Variants in STAG2 observed in about 807,000 individuals in gnomAD.
The protein encoded by STAG2 is STAG2 cohesin complex component.
STAG2 carries 14 observed loss-of-function variants against 108.1 expected under a neutral mutation model. The ratio of observed to expected loss-of-function variants is 0.13; its 90% CI spans 0.09 to 0.20. The LOEUF is 0.20. Among genes scored for constraint, STAG2 ranks in the 10% least tolerant of loss-of-function variants. The pLI, the probability that STAG2 is intolerant of heterozygous loss-of-function variation, is 1.00. For synonymous variants in STAG2, 307 were observed against 302.7 expected (o/e 1.01, Z -0.15); for missense variants, 440 against 940.9 (o/e 0.47, Z 6.96).
chrX:124,050,568 G>C (rs1301218790), intron 11 of STAG2, among the ~76,000 whole-genome samples: 1 of 111,181 alleles, frequency 9.0e-6, no homozygotes, highest in Non-Finnish European at 1.9e-5. Context: ...AAGGTAGTAG[G>C]AGTGAGGCAT....
chrX:124,063,018 T>TG, intron 18 of STAG2, 24 bp downstream of exon 18: 1 of 1,190,084 alleles, frequency 8.4e-7, no homozygotes, highest in Non-Finnish European at 1.1e-6. Context: ...AATATCATAG[T>TG]GTTACTAAGA....
In STAG2 at chrX:123,982,378, T is replaced by C. The variant is rs1169140653; in HGVS notation, c.-163+20522T>C. Among the ~76,000 whole-genome samples, 6 of 110,877 alleles carry C rather than the reference T, an allele frequency of 5.4e-5. No homozygotes were observed. In the East Asian group the frequency reaches 1.7e-3, roughly 31 times the overall value. On this transcript the variant is annotated intron_variant, in intron 1 of 34. Coordinates refer to ENST00000371145, the MANE Select transcript of STAG2 (RefSeq NM_001042750.2). Reference sequence around the variant, plus strand: ...CATCCAGAATTTACTTTTTTTGTTTTTTTGAGATGGAGTCTTGCTCTGTCA... The same window carrying C: ...CATCCAGAATTTACTTTTTTTGTTTCTTTGAGATGGAGTCTTGCTCTGTCA...
At chrX:124,030,746 G>A (rs779202911) in intron 4 of STAG2, among the ~76,000 whole-genome samples, 2 of 111,348 alleles carry the variant, frequency 1.8e-5, no homozygotes, top group East Asian at 5.6e-4. Context: ...AGGCTATGCT[G>A]CTAACTACTA....
At chrX:123,978,310 C>A (rs2054723291) in intron 1 of STAG2, among the ~76,000 whole-genome samples, 1 of 109,175 alleles carries the variant, frequency 9.2e-6, no homozygotes, top group Non-Finnish European at 1.9e-5. Flanking sequence ...TGATGCTCTT[C>A]CCCCACTCCC....
At chrX:124,045,415 G>A (rs1297426160) in intron 8 of STAG2, 47 bp downstream of exon 8, 1 of 1,031,101 alleles carries the variant, frequency 9.7e-7, no homozygotes, top group African/African-American at 1.9e-5. Context: ...GATTTGAGAT[G>A]AAAAAGATTC....
rs912058139 is a variant in STAG2 at position 124,010,702 on chromosome X, T to C, written c.-162-10665T>C. ...CAATTTGTTCAGTGTTGTTTTGTTA[T>C]AATGTTGATGAGGAAAAAAATTGGT... is the stretch of plus-strand genomic sequence containing the variant. On this transcript the variant is annotated intron_variant, in intron 1 of 34. Transcript: ENST00000371145. Among the ~76,000 whole-genome samples, 6 of 111,494 alleles carry C rather than the reference T, an allele frequency of 5.4e-5. No individual in the cohort carries two copies. In the East Asian group the frequency reaches 8.4e-4, roughly 16 times the overall value.
chrX:124,044,525 C>T (rs1443582309), intron 7 of STAG2, among the ~76,000 whole-genome samples: 1 of 111,231 alleles, frequency 9.0e-6, no homozygotes, highest in Non-Finnish European at 1.9e-5. Flanking sequence ...TGGTATTGGT[C>T]TCTGCTTTTA....
Position 124,037,677 on chromosome X carries a change from C to G in STAG2, c.385+54C>G, listed in dbSNP as rs2057560337. ...GCTCTCAAATAGTCACTTCGTTGTTCCACCTAAAGAGATGTTGTTAGCACT... is the reference window on the plus strand; with the variant it reads ...GCTCTCAAATAGTCACTTCGTTGTTGCACCTAAAGAGATGTTGTTAGCACT... On this transcript the variant is annotated intron_variant, in intron 6 of 34. Transcript: ENST00000371145. 1.3e-5 allele frequency: 10 copies of G among 771,495 alleles called. No homozygotes were observed. In the South Asian group the frequency reaches 2.4e-4, roughly 18 times the overall value. The allele number at this position is 771,495 out of a possible 1,213,427, so 63.6% of individuals were successfully genotyped here. A position where few individuals can be genotyped will look rare whatever the true frequency, so the allele number is the denominator to read the frequency against.
intron 1 of STAG2, among the ~76,000 whole-genome samples, chrX:124,018,072 G>GT (rs1261320795): frequency 2.7e-5 from 3 of 111,652 alleles, no homozygotes; most frequent in East Asian, 2.8e-4. Flanking sequence ...TGCTGGATAG[G>GT]TTTTTTTCCC....
chrX:124,029,899 G>C (rs771594367), intron 4 of STAG2, among the ~76,000 whole-genome samples: 94 of 111,352 alleles, frequency 8.4e-4, no homozygotes, highest in African/African-American at 3.0e-3. Context: ...GCTATGGGAG[G>C]TATTTTTATA....
chrX:123,991,357 AT>A lies in STAG2; in HGVS notation c.-163+29514del, dbSNP rs1158467871. 3.4e-3 allele frequency among the ~76,000 whole-genome samples: 354 copies of A among 104,861 alleles called. 1 individual carries two copies. Among genetic ancestry groups the A allele is most frequent in the South Asian group, 0.018 (45 of 2,482 alleles). The allele number at this position is 104,861 out of a possible 115,157, so 91.1% of individuals were successfully genotyped here. A position where few individuals can be genotyped will look rare whatever the true frequency, so the allele number is the denominator to read the frequency against. On this transcript the variant is annotated intron_variant, in intron 1 of 34. Transcript: ENST00000371145. ...TTCCACTAAGTAATATGGTATAACA[AT>A]TTTTTTTTTTTTGAGACGGAGTCTG...
intron 34 of STAG2, among the ~76,000 whole-genome samples, chrX:124,097,068 A>G (rs1187818752): frequency 1.9e-5 from 2 of 107,046 alleles, no homozygotes; most frequent in Non-Finnish European, 3.8e-5. Context: ...GGTCCCAGCT[A>G]CTCAGGAGGG....
At chrX:124,036,130 CCAGT>C (rs764833587) in intron 5 of STAG2, among the ~76,000 whole-genome samples, 14 of 112,034 alleles carry the variant, frequency 1.2e-4, no homozygotes, top group South Asian at 1.1e-3. Flanking sequence ...TAGAATAATT[CCAGT>C]CAGTCTATCT....
intron 1 of STAG2, among the ~76,000 whole-genome samples, chrX:124,011,225 G>A (rs1277632516): frequency 4.5e-5 from 5 of 111,740 alleles, no homozygotes; most frequent in South Asian, 3.7e-4. Flanking sequence ...AATATCCTGC[G>A]ACTTTATTGA....
At chrX:124,041,989 A>G (rs1243391367) in intron 6 of STAG2, among the ~76,000 whole-genome samples, 3 of 110,884 alleles carry the variant, frequency 2.7e-5, no homozygotes, top group Non-Finnish European at 5.7e-5. Context: ...TACTTTTGAC[A>G]GCTTCTTTTT....
intron 34 of STAG2, among the ~76,000 whole-genome samples, chrX:124,096,905 T>C (rs2059393006): frequency 8.9e-6 from 1 of 112,326 alleles, no homozygotes. Flanking sequence ...GGGGCCGGGC[T>C]CAGTGGCTCA....
Position 124,077,900 on chromosome X carries a change from C to G in STAG2, c.2674-57C>G, listed in dbSNP as rs2058840447. ...TTTACATGACTAACCTAAAATTTGT[C>G]TTATTGTCAAGTAGTTTTAAGAGAT... On this transcript the variant is annotated intron_variant, in intron 26 of 34. Transcript: ENST00000371145. 1.1e-5 allele frequency: 9 copies of G among 823,211 alleles called. No homozygotes were observed. In the East Asian group the frequency reaches 3.3e-4, roughly 30 times the overall value. 67.8% of individuals were successfully genotyped at this position (823,211 alleles called of 1,213,427 possible).
At chrX:123,969,255 G>C (rs745444528) in intron 1 of STAG2, among the ~76,000 whole-genome samples, 3 of 110,750 alleles carry the variant, frequency 2.7e-5, no homozygotes, top group African/African-American at 9.8e-5. Context: ...TTTGGGGGGG[G>C]AATCATGTGA....
At chrX:124,048,962 G>A in intron 9 of STAG2, 43 bp from the exon 10 acceptor site, 1 of 1,084,967 alleles carries the variant, frequency 9.2e-7, no homozygotes, top group Admixed American at 2.2e-5. Flanking sequence ...TCATTTGGTT[G>A]TCTTCCTTTA....
Sources: allele counts gnomAD v4.1 joint callset (sites outside exome capture counted in the v4.1 genomes callset), GRCh38; gene constraint gnomAD v4.1.1; transcripts MANE v1.5; gene names NCBI Gene and HGNC (gene_info 2026-07-23, HGNC 2026-07-21).